Variants in GRIPAP1 observed in about 807,000 individuals in gnomAD.
GRIPAP1 encodes GRIP1 associated protein 1.
A neutral mutation model predicts 84.1 loss-of-function variants in GRIPAP1; 14 were observed. The ratio of observed to expected loss-of-function variants is 0.17; its 90% confidence interval spans 0.11 to 0.26. The LOEUF is 0.26. Ranked by LOEUF, GRIPAP1 falls within the 10% of genes least tolerant of loss-of-function variation. GRIPAP1 has a pLI of 1.00. For synonymous variants in GRIPAP1, 261 were observed against 256.8 expected (o/e 1.02, Z -0.15); for missense variants, 518 against 674.2 (o/e 0.77, Z 2.57).
intron 13 of GRIPAP1, among the ~76,000 whole-genome samples, chrX:48,986,583 C>A (rs961078394): frequency 1.8e-5 from 2 of 108,290 alleles, no homozygotes; most frequent in Non-Finnish European, 3.8e-5. Context: ...TTAGTAGAGA[C>A]GGGGTTTCAC....
intron 13 of GRIPAP1, among the ~76,000 whole-genome samples, chrX:48,986,871 A>T (rs1264384031): frequency 9.2e-6 from 1 of 108,115 alleles, no homozygotes; most frequent in African/African-American, 3.4e-5. Context: ...TTTTTGAGAC[A>T]GAGTTTCACT....
Position 48,993,448 on chromosome X carries a change from G to T in GRIPAP1, c.437C>A (p.Ala146Asp). The change falls in exon 6 of 26, where the codon GCC becomes GAC. Residue 146 changes from alanine to aspartate, a missense_variant. Transcript: ENST00000376423. ...ELLRLQAENT[A>D]LQKNVAALQE... is the part of the protein sequence containing the mutation. ...TGCACCTGCCACGTTCTTCTGCAAG[G>T]CTGTGTTTTCAGCCTGTAGCCTCAG... 1 of 1,172,731 alleles carries T rather than the reference G, an allele frequency of 8.5e-7. No homozygotes were observed. Among genetic ancestry groups the T allele is most frequent in the Non-Finnish European group, 1.1e-6 (1 of 876,344 alleles).
intron 24 of GRIPAP1, 100 bp from the exon 25 acceptor site, chrX:48,975,409 G>T: frequency 1.2e-6 from 1 of 862,265 alleles, no homozygotes; most frequent in Non-Finnish European, 1.6e-6. Context: ...AGGGGAGAAG[G>T]CAGCAGGAAA....
intron 21 of GRIPAP1, among the ~76,000 whole-genome samples, chrX:48,980,047 T>C (rs1223316824): frequency 9.0e-6 from 1 of 111,611 alleles, no homozygotes; most frequent in Non-Finnish European, 1.9e-5. Flanking sequence ...CTCGAGGATC[T>C]CTGGCAAGGG....
chrX:48,992,459 C>G (rs1007845317), intron 6 of GRIPAP1, among the ~76,000 whole-genome samples: 3 of 112,206 alleles, frequency 2.7e-5, no homozygotes, highest in African/African-American at 3.2e-5. Flanking sequence ...ATATTTTAAG[C>G]CCTATCAACC....
intron 6 of GRIPAP1, among the ~76,000 whole-genome samples, chrX:48,992,832 T>G (rs1359065624): frequency 9.0e-6 from 1 of 111,393 alleles, no homozygotes; most frequent in Non-Finnish European, 1.9e-5. Flanking sequence ...ATCTCCTTTT[T>G]TTTTTTGAGA....
At chrX:48,978,220 G>T in intron 22 of GRIPAP1, 85 bp downstream of exon 22, 2 of 1,039,871 alleles carry the variant, frequency 1.9e-6, no homozygotes, top group Non-Finnish European at 2.7e-6. Context: ...GTAGGAGATG[G>T]GTTTAGGTGA....
At position 48,988,137 on chromosome X, in the gene GRIPAP1, C is replaced by T. The variant is rs782298266; in HGVS notation, c.932G>A (p.Arg311Gln). ...ACAATATACCTGATCTTGTAGGGCC[C>T]GCAAAGCTGCTGCATGTTCCAGGCG... ...GERLEHAAALRALQDQVSIQS... is the reference protein window; with the variant it reads ...GERLEHAAALQALQDQVSIQS... Residue 311 changes from arginine (R) to glutamine (Q), a missense_variant, in exon 12 of 26, where the codon CGG becomes CAG. Coordinates refer to ENST00000376423, the MANE Select transcript of GRIPAP1 (RefSeq NM_020137.5). 1.0e-5 allele frequency: 12 copies of T among 1,199,367 alleles called. No homozygotes were observed. The highest frequency in any genetic ancestry group is 3.6e-5 in the South Asian group (2 of 55,291).
intron 22 of GRIPAP1, 55 bp downstream of exon 22, chrX:48,978,250 C>T: frequency 8.5e-7 from 1 of 1,181,399 alleles, no homozygotes; most frequent in South Asian, 1.8e-5. Flanking sequence ...GGGAGGGGTT[C>T]TCAGATTTTT....
At chrX:48,974,329 C>A (rs374891034) in intron 25 of GRIPAP1, 44 bp from the exon 26 acceptor site, 113 of 892,376 alleles carry the variant, frequency 1.3e-4, no homozygotes, top group Non-Finnish European at 1.8e-4. Context: ...AGGGGACAGG[C>A]TGCTCCCTTG....
chrX:48,997,225 C>T, intron 5 of GRIPAP1, 25 bp downstream of exon 5: 1 of 891,681 alleles, frequency 1.1e-6, no homozygotes, highest in Non-Finnish European at 1.6e-6. Context: ...CTCATTTCCC[C>T]TTTGACTATC....
intron 17 of GRIPAP1, 126 bp from the exon 18 acceptor site, chrX:48,981,998 C>T (rs781834244): frequency 1.7e-5 from 8 of 461,802 alleles, no homozygotes; most frequent in South Asian, 6.4e-5. Flanking sequence ...GAACCCCACA[C>T]GCCCTTAGGC....
In GRIPAP1 at chrX:48,981,467, C is replaced by T. The variant is rs1557062143; in HGVS notation, c.1779G>A (p.Val593=). The change falls in exon 20 of 26, where the codon GTG becomes GTA. Residue 593 remains valine, a synonymous_variant. Transcript: ENST00000376423. ...LKTISSLKQE[V]KDTVDGQRIL... ...TCCTCTGCCCATCCACTGTGTCCTTCACCTCCTGTGGGAGAAAGCAGGCAT... is the reference window on the plus strand; with the variant it reads ...TCCTCTGCCCATCCACTGTGTCCTTTACCTCCTGTGGGAGAAAGCAGGCAT... The T allele has an allele frequency of 1.7e-6, 2 of 1,210,078 alleles. No individual in the cohort carries two copies.
chrX:49,001,755 C>T (rs894428343), intron 1 of GRIPAP1, among the ~76,000 whole-genome samples: 4 of 110,558 alleles, frequency 3.6e-5, no homozygotes, highest in Non-Finnish European at 7.6e-5. Flanking sequence ...ACCTCCCACC[C>T]GCTAATGGTT....
At chrX:48,974,328 G>A in intron 25 of GRIPAP1, 43 bp from the exon 26 acceptor site, 1 of 891,237 alleles carries the variant, frequency 1.1e-6, no homozygotes, top group Non-Finnish European at 1.6e-6. Context: ...AAGGGGACAG[G>A]CTGCTCCCTT....
intron 5 of GRIPAP1, among the ~76,000 whole-genome samples, 188 bp from the exon 6 acceptor site, chrX:48,993,766 A>C (rs1475693485): frequency 8.9e-6 from 1 of 112,212 alleles, no homozygotes; most frequent in Non-Finnish European, 1.9e-5. Flanking sequence ...TCAAATTCAC[A>C]CATCTTTTAA....
chrX:49,002,235 TCCCCCCAC>T lies in GRIPAP1; in HGVS notation c.-14_-7del. The T allele has an allele frequency of 9.0e-7, 1 of 1,109,022 alleles. No homozygotes were observed. The highest frequency in any genetic ancestry group is 1.2e-6 in the Non-Finnish European group (1 of 812,802). The allele number at this position is 1,109,022 out of a possible 1,213,427, so 91.4% of individuals were successfully genotyped here. On this transcript the variant is annotated 5_prime_UTR_variant, in exon 1 of 26. Coordinates refer to ENST00000376423, the MANE Select transcript of GRIPAP1 (RefSeq NM_020137.5). ...TCAGACAGAGCTTGCGCCATGTTCC[TCCCCCCAC>T]CCCCCCGCCAGCTTTCTGCGCAGAC... is the stretch of plus-strand genomic sequence containing the variant.
chrX:48,993,480 C>A lies in GRIPAP1; in HGVS notation c.405G>T (p.Gly135=). ...TTTCAGCCTGTAGCCTCAGCAGCTC[C>A]CCATCCACGAGGGGCCCAGCTTGGG... ...GVAQAGPLVD[G]ELLRLQAENT... is the part of the protein sequence containing the mutation. The change falls in exon 6 of 26, where the codon GGG becomes GGT. Residue 135 remains glycine, a synonymous_variant. Coordinates refer to ENST00000376423, the MANE Select transcript of GRIPAP1 (RefSeq NM_020137.5). The A allele has an allele frequency of 8.4e-7, 1 of 1,189,850 alleles. No homozygotes were observed.
chrX:48,986,746 G>T (rs891882003), intron 13 of GRIPAP1, among the ~76,000 whole-genome samples: 1 of 112,071 alleles, frequency 8.9e-6, no homozygotes, highest in African/African-American at 3.2e-5. Context: ...GGCTAGGCTG[G>T]TCTCAAACTC....
Sources: allele counts gnomAD v4.1 joint callset (sites outside exome capture counted in the v4.1 genomes callset), GRCh38; gene constraint gnomAD v4.1.1; transcripts MANE v1.5; gene names NCBI Gene and HGNC (gene_info 2026-07-23, HGNC 2026-07-21).